Variants in ENPP1 observed in about 807,000 individuals in gnomAD.
The protein encoded by ENPP1 is ectonucleotide pyrophosphatase/phosphodiesterase 1.
In ENPP1, 73 loss-of-function variants were observed where a neutral mutation model predicts 122.8. That is an observed-to-expected ratio of 0.59 (90% CI 0.49 to 0.72). The LOEUF (loss-of-function observed/expected upper bound fraction) is 0.72. Among genes scored for constraint, ENPP1 ranks in the 30% least tolerant of loss-of-function variants. ENPP1 has a pLI of 0.00. For synonymous variants in ENPP1, 367 were observed against 391.6 expected (o/e 0.94, Z 0.74); for missense variants, 978 against 1,128.1 (o/e 0.87, Z 1.91).
At position 131,882,455 on chromosome 6, in the gene ENPP1, C is replaced by A; in HGVS notation, c.2211C>A (p.Tyr737Ter). 6.2e-7 allele frequency: 1 copy of A among 1,608,128 alleles called. No individual in the cohort carries two copies. The highest frequency in any genetic ancestry group is 8.5e-7 in the Non-Finnish European group (1 of 1,176,340). The change falls in exon 21 of 25, where the codon TAC becomes TAA. Residue 737 changes from tyrosine to a stop codon, truncating the protein, a stop_gained. Coordinates refer to ENST00000647893, the MANE Select transcript of ENPP1 (RefSeq NM_006208.3). LOFTEE classifies it high-confidence loss of function. ...SFYKNNTKVSYGFLSPPQLNK... is the reference protein window; with the variant it reads ...SFYKNNTKVS ...ATAAAAATAACACCAAAGTGAGTTA[C>A]GGGTTCCTCTCCCCACCACGTAAGT...
chr6:131,849,645 A>G (rs1781856336), intron 2 of ENPP1, among the ~76,000 whole-genome samples: 1 of 152,228 alleles, frequency 6.6e-6, no homozygotes, highest in Non-Finnish European at 1.5e-5. Flanking sequence ...TTCATAGCAC[A>G]AAGTATTCAG....
intron 1 of ENPP1, chr6:131,819,882 T>C (rs1781462433): frequency 2.1e-6 from 1 of 471,970 alleles, no homozygotes; most frequent in Non-Finnish European, 4.1e-6. Flanking sequence ...CTGGGGAGAG[T>C]TTCCCAGTGG....
At chr6:131,888,459 A>T (rs902073274) in intron 24 of ENPP1, among the ~76,000 whole-genome samples, 2 of 152,152 alleles carry the variant, frequency 1.3e-5, no homozygotes, top group African/African-American at 4.8e-5. Context: ...CAGGTGCTCT[A>T]GGTACTGAGG....
intron 24 of ENPP1, among the ~76,000 whole-genome samples, chr6:131,889,202 C>T (rs1215175114): frequency 1.3e-5 from 2 of 152,190 alleles, no homozygotes; most frequent in Non-Finnish European, 2.9e-5. Context: ...ATACGATTGT[C>T]ACAGAACCAG....
At chr6:131,852,651 A>T (rs567047485) in intron 5 of ENPP1, among the ~76,000 whole-genome samples, 1 of 152,328 alleles carries the variant, frequency 6.6e-6, no homozygotes, top group South Asian at 2.1e-4. Context: ...GGAAGTTTAT[A>T]GAAAAAAGAG....
intron 11 of ENPP1, among the ~76,000 whole-genome samples, chr6:131,865,593 C>T (rs1378237355): frequency 6.6e-6 from 1 of 152,206 alleles, no homozygotes. Context: ...ACACTGCTTT[C>T]AGTTTTCACG....
intron 2 of ENPP1, 84 bp from the exon 3 acceptor site, chr6:131,849,906 C>G (rs576035361): frequency 1.0e-6 from 1 of 1,001,008 alleles, no homozygotes; most frequent in Non-Finnish European, 1.6e-6. Flanking sequence ...ACCTAGTGTA[C>G]ACCTAACTTA....
intron 9 of ENPP1, among the ~76,000 whole-genome samples, chr6:131,862,811 G>T (rs1036453520): frequency 1.3e-5 from 2 of 152,160 alleles, no homozygotes; most frequent in Non-Finnish European, 2.9e-5. Flanking sequence ...GCTGGAGGCC[G>T]CATGGCCCCT....
At chr6:131,811,551 A>G (rs151293514) in intron 1 of ENPP1, among the ~76,000 whole-genome samples, 1 of 152,276 alleles carries the variant, frequency 6.6e-6, no homozygotes. Flanking sequence ...TTTTAAAGGA[A>G]AAAGGAAGAG....
In ENPP1 at chr6:131,851,191, C is replaced by G. The variant is rs752270673; in HGVS notation, c.480C>G (p.Thr160=). ...TCAGGTGTGGTGAGAAAAGGTTGAC[C>G]AGAAGCCTCTGTGCCTGTTCAGATG... is the stretch of plus-strand genomic sequence containing the variant. ...NKFRCGEKRL[T]RSLCACSDDC... Residue 160 remains threonine, a synonymous_variant, in exon 4 of 25, where the codon ACC becomes ACG. Coordinates refer to ENST00000647893, the MANE Select transcript of ENPP1 (RefSeq NM_006208.3). 1 of 1,614,000 alleles carries G rather than the reference C, an allele frequency of 6.2e-7. No homozygotes were observed. The highest frequency in any genetic ancestry group is 1.1e-5 in the South Asian group (1 of 91,086).
chr6:131,851,382 C>A, intron 4 of ENPP1, 115 bp downstream of exon 4: 1 of 1,317,800 alleles, frequency 7.6e-7, no homozygotes, highest in Non-Finnish European at 1.1e-6. Context: ...ACTATATTAG[C>A]TGAAAAAAAT....
rs769550719 is a variant in ENPP1 at position 131,851,126 on chromosome 6, T to C, written c.431-16T>C. 3.1e-6 allele frequency: 5 copies of C among 1,613,672 alleles called. No individual in the cohort carries two copies. Among genetic ancestry groups the C allele is most frequent in the Non-Finnish European group, 3.4e-6 (4 of 1,179,804 alleles). On this transcript the variant is annotated splice_polypyrimidine_tract_variant and intron_variant, in intron 3 of 24. Coordinates refer to ENST00000647893, the MANE Select transcript of ENPP1 (RefSeq NM_006208.3). ...ATTTGAGACATAAAACACATTTTGCTGATGTTTGTTTCTAGAACATATATG... is the reference window on the plus strand; with the variant it reads ...ATTTGAGACATAAAACACATTTTGCCGATGTTTGTTTCTAGAACATATATG...
chr6:131,860,616 T>C, intron 8 of ENPP1, 110 bp downstream of exon 8: 2 of 793,236 alleles, frequency 2.5e-6, no homozygotes, highest in South Asian at 1.6e-5. Flanking sequence ...ATTTAGTGTG[T>C]CTGTGGCCAT....
At position 131,868,875 on chromosome 6, in the gene ENPP1, A is replaced by G. The variant is rs543732519; in HGVS notation, c.1274-483A>G. ...TGGGGACTATAGGAGCAGCGTGCCTATGGAAAATAGAAAATAGGTTCTTTT... is the reference window on the plus strand; with the variant it reads ...TGGGGACTATAGGAGCAGCGTGCCTGTGGAAAATAGAAAATAGGTTCTTTT... On this transcript the variant is annotated intron_variant, in intron 12 of 24. Coordinates refer to ENST00000647893, the MANE Select transcript of ENPP1 (RefSeq NM_006208.3). Among the ~76,000 whole-genome samples, 5 of 152,346 alleles carry G rather than the reference A, an allele frequency of 3.3e-5. No homozygotes were observed. The South Asian group carries it at 1.0e-3, about 32-fold the overall frequency.
intron 3 of ENPP1, among the ~76,000 whole-genome samples, chr6:131,850,326 A>G (rs964983685): frequency 6.6e-6 from 1 of 152,226 alleles, no homozygotes; most frequent in Non-Finnish European, 1.5e-5. Context: ...GGATAGCAGA[A>G]CTTTGTCTAT....
intron 1 of ENPP1, 104 bp downstream of exon 1, chr6:131,808,379 G>T: frequency 7.5e-7 from 1 of 1,336,242 alleles, no homozygotes; most frequent in Non-Finnish European, 9.7e-7. Flanking sequence ...GCACCGGAGA[G>T]AGGCATGGTC....
At chr6:131,842,998 TTC>T (rs1333794121) in intron 1 of ENPP1, among the ~76,000 whole-genome samples, 1 of 152,220 alleles carries the variant, frequency 6.6e-6, no homozygotes, top group Non-Finnish European at 1.5e-5. Flanking sequence ...TGCTTTTACT[TTC>T]TGTCTCCCAG....
intron 1 of ENPP1, chr6:131,826,923 T>C (rs2114666059): frequency 7.6e-6 from 3 of 393,510 alleles, no homozygotes; most frequent in South Asian, 4.8e-5. Flanking sequence ...AGCATGGGAT[T>C]TTTCCCATTT....
chr6:131,847,655 A>G (rs1252379937), intron 1 of ENPP1, 121 bp from the exon 2 acceptor site: 4 of 706,516 alleles, frequency 5.7e-6, no homozygotes, highest in Non-Finnish European at 9.4e-6. Flanking sequence ...ACAGTGAACT[A>G]TGATCATGCC....
Sources: gnomAD v4.1 joint callset for allele counts (sites outside exome capture counted in the v4.1 genomes callset) on GRCh38, gnomAD v4.1.1 for gene constraint, MANE v1.5 for transcripts, NCBI Gene and HGNC (gene_info 2026-07-23, HGNC 2026-07-21) for gene names.